Variants in CCDC178 observed in about 807,000 individuals in gnomAD.
CCDC178 encodes the protein coiled-coil domain-containing protein 178.
A neutral mutation model predicts 117.4 loss-of-function variants in CCDC178; 126 were observed. That is an observed-to-expected ratio of 1.07 (90% CI 0.93 to 1.24). CCDC178 has a LOEUF of 1.24. Ranked by LOEUF, CCDC178 falls within the 50% of genes most tolerant of loss-of-function variation. The pLI, the probability that CCDC178 is intolerant of heterozygous loss-of-function variation, is 0.00. For synonymous variants in CCDC178, 283 were observed against 313.4 expected (o/e 0.90, Z 1.02); for missense variants, 1,030 against 986.9 (o/e 1.04, Z -0.59).
chr18:33,219,925 G>GATA (rs906317556), intron 18 of CCDC178, among the ~76,000 whole-genome samples: 1 of 151,558 alleles, frequency 6.6e-6, no homozygotes, highest in African/African-American at 2.4e-5. Context: ...GTATAATAAT[G>GATA]ATAATAATAA....
chr18:33,005,020 T>G (rs1412210726), intron 21 of CCDC178, among the ~76,000 whole-genome samples: 2 of 152,116 alleles, frequency 1.3e-5, no homozygotes, highest in East Asian at 1.9e-4. Flanking sequence ...TTGGTGGGAA[T>G]GTAAATTAGT....
chr18:33,015,027 G>A (rs1010972433), intron 21 of CCDC178, among the ~76,000 whole-genome samples: 15 of 151,980 alleles, frequency 9.9e-5, no homozygotes, highest in Admixed American at 3.3e-4. Flanking sequence ...AGGCCGAGGC[G>A]TGCAGATCAC....
intron 22 of CCDC178, among the ~76,000 whole-genome samples, chr18:32,962,017 T>C (rs1207222891): frequency 6.6e-6 from 1 of 151,042 alleles, no homozygotes; most frequent in South Asian, 2.1e-4. Flanking sequence ...TTAGGGTTAA[T>C]CAAACACTTT....
intron 2 of CCDC178, among the ~76,000 whole-genome samples, chr18:33,435,719 T>TATTTATTATTAGAATACAATAA (rs1413410686): frequency 6.6e-6 from 1 of 150,626 alleles, no homozygotes. Flanking sequence ...ACAATAATAA[T>TATTTATTATTAGAATACAATAA]TAAGCTACAA....
intron 4 of CCDC178, among the ~76,000 whole-genome samples, chr18:33,394,941 G>GTGTA (rs202187331): frequency 0.19 from 12,637 of 67,544 alleles, 1,617 homozygotes; most frequent in Non-Finnish European, 0.25. Context: ...GTATATGTAT[G>GTGTA]TGTATATATA....
In CCDC178 at chr18:33,015,347, C is replaced by T. The variant is rs575859107; in HGVS notation, c.2389-40666G>A. 3.3e-5 allele frequency among the ~76,000 whole-genome samples: 5 copies of T among 151,910 alleles called. No homozygotes were observed. The South Asian group carries it at 6.2e-4, about 19-fold the overall frequency. On this transcript the variant is annotated intron_variant, in intron 21 of 22. Transcript: ENST00000383096. ...TGGGAGGCCAAGGCGGGGCAGATCA[C>T]GAGGTCAGGAGACCGAGACCATCCT...
At chr18:33,155,266 G>C (rs1445632040) in intron 20 of CCDC178, among the ~76,000 whole-genome samples, 1 of 151,720 alleles carries the variant, frequency 6.6e-6, no homozygotes, top group Non-Finnish European at 1.5e-5. Context: ...TATCTCATGG[G>C]TTAAAAAAAG....
chr18:32,951,861 C>A (rs759184184), intron 22 of CCDC178, among the ~76,000 whole-genome samples: 1 of 152,198 alleles, frequency 6.6e-6, no homozygotes, highest in Non-Finnish European at 1.5e-5. Context: ...GGTTAACACA[C>A]CCATTCCAAA....
intron 21 of CCDC178, among the ~76,000 whole-genome samples, chr18:33,084,918 T>C (rs927184483): frequency 6.6e-6 from 1 of 152,200 alleles, no homozygotes; most frequent in East Asian, 1.9e-4. Context: ...TACATGATTT[T>C]CTACCGTATC....
chr18:33,256,051 C>A (rs2059675633), intron 14 of CCDC178, among the ~76,000 whole-genome samples: 1 of 22,102 alleles, frequency 4.5e-5, no homozygotes, highest in African/African-American at 1.0e-4. Context: ...CTATTTTGCA[C>A]TTAAGATAAA....
intron 2 of CCDC178, among the ~76,000 whole-genome samples, chr18:33,414,967 C>A (rs1568211992): frequency 6.6e-6 from 1 of 152,120 alleles, no homozygotes; most frequent in Non-Finnish European, 1.5e-5. Context: ...TCATCACTGG[C>A]CATCAGAGAA....
chr18:32,977,748 C>T (rs1376292327), intron 21 of CCDC178, among the ~76,000 whole-genome samples: 2 of 152,048 alleles, frequency 1.3e-5, no homozygotes, highest in Admixed American at 6.6e-5. Flanking sequence ...TTTCTTATTC[C>T]AAGGCTGTAG....
Position 33,072,629 on chromosome 18 carries a change from T to C in CCDC178, c.2388+20132A>G, listed in dbSNP as rs541691210. Among the ~76,000 whole-genome samples, 8 of 152,348 alleles carry C rather than the reference T, an allele frequency of 5.3e-5. No homozygotes were observed. The South Asian group carries it at 1.7e-3, about 32-fold the overall frequency. On this transcript the variant is annotated intron_variant, in intron 21 of 22. Transcript: ENST00000383096. The stretch of plus-strand genomic sequence containing the variant: ...AAGAATAAAATGTCTTCATTATTTG[T>C]GTATTGTGTGTCATCACCATAGAAA...
chr18:33,108,328 T>C (rs762594634), intron 20 of CCDC178, among the ~76,000 whole-genome samples: 39 of 151,844 alleles, frequency 2.6e-4, no homozygotes, highest in Non-Finnish European at 4.3e-4. Context: ...ATAAGTATCT[T>C]AATTTTAAAA....
intron 20 of CCDC178, among the ~76,000 whole-genome samples, chr18:33,145,562 G>A (rs1250827840): frequency 6.6e-6 from 1 of 152,116 alleles, no homozygotes; most frequent in Non-Finnish European, 1.5e-5. Context: ...TAGCATTAAT[G>A]GGAGACATCG....
At chr18:33,199,311 T>C (rs909972157) in intron 20 of CCDC178, among the ~76,000 whole-genome samples, 1 of 152,208 alleles carries the variant, frequency 6.6e-6, no homozygotes, top group African/African-American at 2.4e-5. Context: ...TAAAATACTC[T>C]GCCTTCTCTC....
chr18:33,104,291 G>T (rs1176842177), intron 20 of CCDC178, among the ~76,000 whole-genome samples: 1 of 151,570 alleles, frequency 6.6e-6, no homozygotes, highest in Non-Finnish European at 1.5e-5. Flanking sequence ...GATCTCTCAG[G>T]ATTCATAACC....
chr18:33,308,093 G>A (rs1367179857), intron 11 of CCDC178, among the ~76,000 whole-genome samples: 1 of 152,164 alleles, frequency 6.6e-6, no homozygotes, highest in Non-Finnish European at 1.5e-5. Context: ...CCAGACCCCA[G>A]AATAATAGAT....
chr18:33,359,725 A>G (rs1302954409), intron 6 of CCDC178, among the ~76,000 whole-genome samples: 1 of 151,636 alleles, frequency 6.6e-6, no homozygotes, highest in Non-Finnish European at 1.5e-5. Flanking sequence ...GACTCCATAC[A>G]ATTCTCATTT....
Sources: gnomAD v4.1 joint callset for allele counts (sites outside exome capture counted in the v4.1 genomes callset) on GRCh38, gnomAD v4.1.1 for gene constraint, MANE v1.5 for transcripts, NCBI Gene and HGNC (gene_info 2026-07-23, HGNC 2026-07-21) for gene names.